CCDC191: variants seen among roughly 807,000 people sequenced by gnomAD.
CCDC191 encodes the protein coiled-coil domain containing 191, also known as coiled-coil domain-containing protein 191.
In CCDC191, 99 loss-of-function variants were observed where a neutral mutation model predicts 114.0. That is an observed-to-expected ratio of 0.87 (90% confidence interval 0.74 to 1.03). CCDC191 has a LOEUF of 1.03. Ranked by LOEUF, CCDC191 falls within the 50% of genes least tolerant of loss-of-function variation. CCDC191 has a pLI of 0.00. For synonymous variants in CCDC191, 351 were observed against 376.0 expected (o/e 0.93, Z 0.77); for missense variants, 973 against 1,087.0 (o/e 0.90, Z 1.47).
chr3:113,967,973 C>T (rs755054561), intron 16 of CCDC191, among the ~76,000 whole-genome samples: 1 of 152,152 alleles, frequency 6.6e-6, no homozygotes, highest in Non-Finnish European at 1.5e-5. Context: ...GGATTTCATT[C>T]TTTTTCATTA....
intron 13 of CCDC191, among the ~76,000 whole-genome samples, chr3:113,984,866 C>T (rs1334734318): frequency 1.3e-5 from 2 of 152,148 alleles, no homozygotes; most frequent in Admixed American, 1.3e-4. Flanking sequence ...TTTCTTCCAA[C>T]AAGGAAAAAG....
intron 4 of CCDC191, among the ~76,000 whole-genome samples, chr3:114,041,502 T>C (rs958850350): frequency 6.6e-6 from 1 of 152,216 alleles, no homozygotes; most frequent in Admixed American, 6.5e-5. Flanking sequence ...AGCAGTTGAA[T>C]GGGCTCTACC....
At chr3:114,021,964 T>C (rs2076250703) in intron 7 of CCDC191, among the ~76,000 whole-genome samples, 1 of 152,182 alleles carries the variant, frequency 6.6e-6, no homozygotes, top group Non-Finnish European at 1.5e-5. Flanking sequence ...CTAACTTCCA[T>C]CATCTCTTTA....
intron 11 of CCDC191, 52 bp from the exon 12 acceptor site, chr3:114,002,590 G>A: frequency 7.0e-7 from 1 of 1,431,428 alleles, no homozygotes; most frequent in Non-Finnish European, 9.6e-7. Flanking sequence ...AAAATATGAG[G>A]AATACTGCAA....
intron 13 of CCDC191, among the ~76,000 whole-genome samples, chr3:113,994,338 A>G (rs990051799): frequency 6.6e-6 from 1 of 152,194 alleles, no homozygotes. Context: ...CACCACAATG[A>G]TATATTACTA....
intron 11 of CCDC191, chr3:114,003,311 T>C: frequency 1.0e-6 from 1 of 985,426 alleles, no homozygotes; most frequent in Non-Finnish European, 1.2e-6. Context: ...TACTTTCAGT[T>C]CCTTGTGCCA....
In CCDC191 at chr3:113,965,093, GT is replaced by G. The variant is rs1939976438; in HGVS notation, c.*61del. 1.1e-6 allele frequency: 1 copy of G among 946,052 alleles called. No individual in the cohort carries two copies. The allele number at this position is 946,052 out of a possible 1,614,324, so 58.6% of individuals were successfully genotyped here. A position where few individuals can be genotyped will look rare whatever the true frequency, so the allele number is the denominator to read the frequency against. ...TGTATGTATGTATGTGTGTGGGTGG[GT>G]GGAGATAACACACATACAGACTAGT... is the stretch of plus-strand genomic sequence containing the variant. On this transcript the variant is annotated 3_prime_UTR_variant, in exon 17 of 17. Transcript: ENST00000295878.
Position 114,034,982 on chromosome 3 carries a change from ACCATCTC to A in CCDC191, c.754_760del (p.Glu252Ter), listed in dbSNP as rs1415933359. On this transcript the variant is annotated frameshift_variant, in exon 6 of 17. Transcript: ENST00000295878. LOFTEE classifies it high-confidence loss of function. ...CTCAATTATCTCCCTCCGCAGCTTC[ACCATCTC>A]CCTTTGAATCTCCTCTTCCTCTTTC... 6.2e-7 allele frequency: 1 copy of A among 1,613,804 alleles called. No homozygotes were observed. The highest frequency in any genetic ancestry group is 1.3e-5 in the African/African-American group (1 of 74,850).
intron 5 of CCDC191, 80 bp from the exon 6 acceptor site, chr3:114,035,228 G>C: frequency 9.8e-7 from 1 of 1,017,860 alleles, no homozygotes; most frequent in East Asian, 2.4e-5. Context: ...ACATTTTGAA[G>C]TTCAGAATAC....
At chr3:113,994,421 A>C (rs928984973) in intron 13 of CCDC191, among the ~76,000 whole-genome samples, 1 of 152,116 alleles carries the variant, frequency 6.6e-6, no homozygotes, top group Admixed American at 6.5e-5. Flanking sequence ...CAACAAAAAG[A>C]CCTTTCATTT....
At chr3:114,003,913 A>G (rs2075899234) in intron 11 of CCDC191, 1 of 985,310 alleles carries the variant, frequency 1.0e-6, no homozygotes, top group African/African-American at 1.7e-5. Flanking sequence ...TATAGTAAAA[A>G]CAATTAGCAG....
chr3:114,049,416 A>G (rs2076672084), intron 2 of CCDC191, among the ~76,000 whole-genome samples: 1 of 152,258 alleles, frequency 6.6e-6, no homozygotes, highest in Non-Finnish European at 1.5e-5. Flanking sequence ...TAAATAACGT[A>G]CAAATAAATT....
chr3:113,980,906 A>G, intron 13 of CCDC191, 113 bp from the exon 14 acceptor site: 1 of 951,654 alleles, frequency 1.1e-6, no homozygotes. Context: ...TGTGTTAATC[A>G]TGATAACAGA....
At chr3:114,006,613 TATATAA>T (rs1339815126) in intron 9 of CCDC191, among the ~76,000 whole-genome samples, 25 of 91,170 alleles carry the variant, frequency 2.7e-4, no homozygotes, top group African/African-American at 7.2e-4. Flanking sequence ...TATATATATA[TATATAA>T]ATATATATAT....
In CCDC191 at chr3:114,001,569, G is replaced by A. The variant is rs1292464325; in HGVS notation, c.2163+26C>T. The A allele has an allele frequency of 2.5e-6, 4 of 1,612,660 alleles. No homozygotes were observed. The Admixed American group carries it at 5.0e-5, about 20-fold the overall frequency. ...ACACACAGCAAACCTCAAGATACAG[G>A]GACTGACCAAATAGACAATACTAAC... is the stretch of plus-strand genomic sequence containing the variant. On this transcript the variant is annotated intron_variant, in intron 13 of 16. Coordinates refer to ENST00000295878, the MANE Select transcript of CCDC191 (RefSeq NM_020817.2).
intron 16 of CCDC191, 168 bp from the exon 17 acceptor site, chr3:113,965,527 T>A (rs1314275021): frequency 2.5e-6 from 1 of 407,606 alleles, no homozygotes; most frequent in African/African-American, 2.1e-5. Context: ...GTGAAAAAAA[T>A]AAGGCAACAA....
chr3:114,002,473 G>C lies in CCDC191; in HGVS notation c.2044C>G (p.Gln682Glu). 6.2e-7 allele frequency: 1 copy of C among 1,608,046 alleles called. No homozygotes were observed. Reference protein sequence around the residue: ...RRILAEKKKKQEEEKLAQLKA... With the variant: ...RRILAEKKKKEEEEKLAQLKA... The stretch of plus-strand genomic sequence containing the variant: ...TCTATTACCAATTTTTCTTCTTCTT[G>C]TTTTTTCTTCTTCTCTGCCAAGATC... Residue 682 changes from glutamine to glutamate, a missense_variant, in exon 12 of 17, where the codon CAA becomes GAA. Gln to Glu is a conservative substitution (Grantham distance 29). Coordinates refer to ENST00000295878, the MANE Select transcript of CCDC191 (RefSeq NM_020817.2).
intron 7 of CCDC191, among the ~76,000 whole-genome samples, chr3:114,025,159 C>T (rs1228979556): frequency 1.3e-5 from 2 of 151,680 alleles, no homozygotes; most frequent in African/African-American, 2.4e-5. Flanking sequence ...AATGCTACCC[C>T]GGCTATAGAC....
rs139541681 is a variant in CCDC191 at position 113,988,825 on chromosome 3, G to A, written c.2164-8032C>T. ...TCTTTTTTTTTTGAGACAGAGTCTC[G>A]CTCTGTCACCGAGGCTGGAGTGCAG... On this transcript the variant is annotated intron_variant, in intron 13 of 16. Coordinates refer to ENST00000295878, the MANE Select transcript of CCDC191 (RefSeq NM_020817.2). Among the ~76,000 whole-genome samples, 81 of 151,346 alleles carry A rather than the reference G, an allele frequency of 5.4e-4. No individual in the cohort carries two copies. The East Asian group carries it at 7.8e-3, about 15-fold the overall frequency.
Sources: allele counts gnomAD v4.1 joint callset (sites outside exome capture counted in the v4.1 genomes callset), GRCh38; gene constraint gnomAD v4.1.1; transcripts MANE v1.5; gene names NCBI Gene and HGNC (gene_info 2026-07-23, HGNC 2026-07-21).